LRFN2: variants seen among roughly 807,000 people sequenced by gnomAD.
The protein encoded by LRFN2 is leucine rich repeat and fibronectin type III domain containing 2, also known as leucine-rich repeat and fibronectin type-III domain-containing protein 2.
In LRFN2, 18 loss-of-function variants were observed where a neutral mutation model predicts 37.3. The ratio of observed to expected loss-of-function variants is 0.48; its 90% CI spans 0.33 to 0.72. LRFN2 has a LOEUF of 0.72. LRFN2 is among the 30% of genes least tolerant of loss of function. The pLI, the probability that LRFN2 is intolerant of heterozygous loss-of-function variation, is 0.02. For missense variants in LRFN2, 1,006 were observed against 1,060.7 expected (o/e 0.95, Z 0.72); for synonymous variants, 556 against 466.6 (o/e 1.19, Z -2.47).
intron 1 of LRFN2, among the ~76,000 whole-genome samples, chr6:40,466,399 T>G (rs1233114358): frequency 6.6e-6 from 1 of 152,178 alleles, no homozygotes; most frequent in African/African-American, 2.4e-5. Context: ...AGCCCTTCAC[T>G]GGAGGGAAGA....
chr6:40,452,411 C>T (rs1046090705), intron 1 of LRFN2, among the ~76,000 whole-genome samples: 6 of 152,196 alleles, frequency 3.9e-5, no homozygotes, highest in African/African-American at 1.2e-4. Context: ...CATCAGTTAG[C>T]AAAGTCATGA....
At chr6:40,479,721 G>A (rs1297272202) in intron 1 of LRFN2, among the ~76,000 whole-genome samples, 2 of 152,186 alleles carry the variant, frequency 1.3e-5, no homozygotes, top group Non-Finnish European at 2.9e-5. Flanking sequence ...ACTGGCTTGG[G>A]GCTCAGGGCC....
rs1462271530 is a variant in LRFN2 at position 40,432,078 on chromosome 6, T to G, written c.1036A>C (p.Ile346Leu). 6.2e-7 allele frequency: 1 copy of G among 1,613,980 alleles called. No homozygotes were observed. Among genetic ancestry groups the G allele is most frequent in the Non-Finnish European group, 8.5e-7 (1 of 1,180,024 alleles). Reference sequence around the variant, plus strand: ...CTGTCCTGAGATGTGGTGATGAAGATGTCCAGGGTGCCATTGTCATAGACA... The same window carrying G: ...CTGTCCTGAGATGTGGTGATGAAGAGGTCCAGGGTGCCATTGTCATAGACA... ...TAVYDNGTLD[I>L]FITTSQDSGA... The change falls in exon 2 of 3, where the codon ATC becomes CTC. Residue 346 changes from isoleucine to leucine, a missense_variant. Around this residue, in one of 4 missense-constraint regions of LRFN2, gnomAD observed 303 missense variants for 299.8 expected, o/e 1.01. Transcript: ENST00000338305.
chr6:40,581,467 C>T (rs1767400649), intron 1 of LRFN2, among the ~76,000 whole-genome samples: 1 of 152,184 alleles, frequency 6.6e-6, no homozygotes, highest in Non-Finnish European at 1.5e-5. Flanking sequence ...CATTCTCTGA[C>T]CAGCCATCAG....
chr6:40,502,525 TGGCAG>T (rs1765411145), intron 1 of LRFN2: 1 of 152,250 alleles, frequency 6.6e-6, no homozygotes, highest in Admixed American at 6.5e-5. Flanking sequence ...TGCTGGAAGC[TGGCAG>T]CAGGGCACTA....
At chr6:40,570,511 A>G (rs1005807186) in intron 1 of LRFN2, among the ~76,000 whole-genome samples, 1 of 152,116 alleles carries the variant, frequency 6.6e-6, no homozygotes, top group Admixed American at 6.5e-5. Flanking sequence ...ACCAGTCTGC[A>G]CTTTTAACCC....
At chr6:40,556,565 T>C (rs2113926443) in intron 1 of LRFN2, among the ~76,000 whole-genome samples, 1 of 152,150 alleles carries the variant, frequency 6.6e-6, no homozygotes, top group African/African-American at 2.4e-5. Context: ...GCTACACTGC[T>C]TGTCCTGAGG....
chr6:40,587,286 A>G lies in LRFN2; in HGVS notation c.-364T>C, dbSNP rs1480982446. On this transcript the variant is annotated 5_prime_UTR_variant, in exon 1 of 3. Transcript: ENST00000338305. This position sits in a 1 kb window ranked among gnomAD's most constrained non-coding sequence, Gnocchi z 4.2. ...TCGAAGAACCCCAGGCATTCCCAGGAACCTCGGGCATCTTGGAATGTGGGG... is the reference window on the plus strand; with the variant it reads ...TCGAAGAACCCCAGGCATTCCCAGGGACCTCGGGCATCTTGGAATGTGGGG... The G allele has an allele frequency of 1.3e-5, 2 of 152,202 alleles. No homozygotes were observed. Among genetic ancestry groups the G allele is most frequent in the Non-Finnish European group, 2.9e-5 (2 of 68,030 alleles). 9.4% of individuals were successfully genotyped at this position (152,202 alleles called of 1,614,324 possible).
chr6:40,518,999 G>C (rs1009011822), intron 1 of LRFN2, among the ~76,000 whole-genome samples: 8 of 152,126 alleles, frequency 5.3e-5, no homozygotes, highest in African/African-American at 1.4e-4. Flanking sequence ...AGTGGGGAGA[G>C]AGAGGGCAGA....
chr6:40,587,337 C>A lies in LRFN2; in HGVS notation c.-415G>T, dbSNP rs1439555708. The A allele has an allele frequency of 6.6e-6, 1 of 152,104 alleles. No individual in the cohort carries two copies. The highest frequency in any genetic ancestry group is 1.5e-5 in the Non-Finnish European group (1 of 68,006). 9.4% of individuals were successfully genotyped at this position (152,104 alleles called of 1,614,324 possible). ...TGTCTTCAAGTTCAGACGAGCCTGC[C>A]GGGTTGTGTATGTGTGAGTGTATGT... On this transcript the variant is annotated 5_prime_UTR_variant, in exon 1 of 3. Coordinates refer to ENST00000338305, the MANE Select transcript of LRFN2 (RefSeq NM_020737.3). The surrounding 1 kb of genome is among the most constrained non-coding windows in gnomAD (Gnocchi z 4.2).
At chr6:40,463,633 C>A (rs1764393695) in intron 1 of LRFN2, among the ~76,000 whole-genome samples, 1 of 151,194 alleles carries the variant, frequency 6.6e-6, no homozygotes, top group Non-Finnish European at 1.5e-5. Flanking sequence ...ATGTTCCCTG[C>A]ATTTCCCTGC....
chr6:40,393,059 T>C (rs1240541797), intron 2 of LRFN2, 147 bp from the exon 3 acceptor site: 3 of 615,518 alleles, frequency 4.9e-6, no homozygotes, highest in Admixed American at 7.2e-5. Flanking sequence ...ACAGAGAGAA[T>C]GGGGCAGAGG....
chr6:40,411,359 G>A (rs1441432622), intron 2 of LRFN2, among the ~76,000 whole-genome samples: 1 of 152,234 alleles, frequency 6.6e-6, no homozygotes, highest in Non-Finnish European at 1.5e-5. Flanking sequence ...TGGCCAGTGT[G>A]TGCGTGTAGG....
intron 1 of LRFN2, among the ~76,000 whole-genome samples, chr6:40,451,569 T>C (rs1008018127): frequency 7.2e-5 from 11 of 152,246 alleles, no homozygotes; most frequent in Non-Finnish European, 1.5e-4. Flanking sequence ...TCAGACTTAA[T>C]GAGCACCTCT....
At chr6:40,510,825 G>T (rs146352563) in intron 1 of LRFN2, among the ~76,000 whole-genome samples, 1 of 152,302 alleles carries the variant, frequency 6.6e-6, no homozygotes, top group East Asian at 1.9e-4. Flanking sequence ...TGAGGATGAC[G>T]GGGTTCTCGG....
chr6:40,564,958 T>A (rs1001796677), intron 1 of LRFN2, among the ~76,000 whole-genome samples: 1 of 152,168 alleles, frequency 6.6e-6, no homozygotes, highest in Non-Finnish European at 1.5e-5. Flanking sequence ...GACTGCTCTG[T>A]ACCAAAGCTC....
intron 2 of LRFN2, among the ~76,000 whole-genome samples, chr6:40,396,724 GTGTGTGTA>G (rs1217045095): frequency 1.3e-5 from 2 of 148,650 alleles, no homozygotes; most frequent in Middle Eastern, 3.5e-3. Flanking sequence ...GTGTGTGTGT[GTGTGTGTA>G]TGTGTGCGTG....
chr6:40,443,418 C>T (rs1763892023), intron 1 of LRFN2, among the ~76,000 whole-genome samples: 1 of 152,232 alleles, frequency 6.6e-6, no homozygotes, highest in African/African-American at 2.4e-5. Context: ...ATTTACCAAG[C>T]AGCCACAAAA....
chr6:40,459,037 G>A (rs1376141153), intron 1 of LRFN2, among the ~76,000 whole-genome samples: 1 of 152,210 alleles, frequency 6.6e-6, no homozygotes, highest in African/African-American at 2.4e-5. Flanking sequence ...TACAACAAAT[G>A]TTTTAGTTTA....
Sources: allele counts gnomAD v4.1 joint callset (sites outside exome capture counted in the v4.1 genomes callset), GRCh38; gene constraint gnomAD v4.1.1; regional missense constraint gnomAD v4.1.1; non-coding constraint Gnocchi (gnomAD v3.1); transcripts MANE v1.5; gene names NCBI Gene and HGNC (gene_info 2026-07-23, HGNC 2026-07-21).